Variants in CCSER1 observed in about 807,000 individuals in gnomAD.
CCSER1 encodes the protein serine-rich coiled-coil domain-containing protein 1.
In CCSER1, 41 loss-of-function variants were observed where a neutral mutation model predicts 82.0. The ratio of observed to expected loss-of-function variants is 0.50; its 90% CI spans 0.39 to 0.65. The LOEUF is 0.65. CCSER1 is among the 30% of genes least tolerant of loss of function. The pLI, the probability that CCSER1 is intolerant of heterozygous loss-of-function variation, is 0.00. For missense variants in CCSER1, 1,119 were observed against 1,064.2 expected (o/e 1.05, Z -0.72); for synonymous variants, 414 against 383.9 (o/e 1.08, Z -0.92).
chr4:90,435,995 G>A (rs548778363), intron 4 of CCSER1, among the ~76,000 whole-genome samples: 27 of 151,688 alleles, frequency 1.8e-4, no homozygotes, highest in South Asian at 6.2e-4. Flanking sequence ...TTTAAATGGC[G>A]TATAATGTTC....
chr4:91,262,752 A>G (rs972913669), intron 10 of CCSER1, among the ~76,000 whole-genome samples: 10 of 151,982 alleles, frequency 6.6e-5, no homozygotes, highest in Non-Finnish European at 1.3e-4. Flanking sequence ...GACAATACTG[A>G]AGGAGATAAT....
At chr4:90,463,901 T>C (rs1763290942) in intron 4 of CCSER1, among the ~76,000 whole-genome samples, 1 of 152,102 alleles carries the variant, frequency 6.6e-6, no homozygotes, top group Non-Finnish European at 1.5e-5. Context: ...ATATAAAATA[T>C]ACTGCTTTTT....
intron 10 of CCSER1, among the ~76,000 whole-genome samples, chr4:91,217,375 G>T (rs1196302314): frequency 6.6e-6 from 1 of 152,052 alleles, no homozygotes; most frequent in Non-Finnish European, 1.5e-5. Context: ...TAGATACAAA[G>T]GTTCTCCACC....
At chr4:91,525,024 A>T (rs753374700) in intron 10 of CCSER1, among the ~76,000 whole-genome samples, 13 of 152,116 alleles carry the variant, frequency 8.5e-5, no homozygotes, top group Non-Finnish European at 1.6e-4. Context: ...GAGTGGATCA[A>T]AAGAGAAAGA....
intron 9 of CCSER1, among the ~76,000 whole-genome samples, chr4:90,943,381 T>G (rs1334330010): frequency 1.3e-5 from 2 of 152,200 alleles, no homozygotes; most frequent in African/African-American, 4.8e-5. Flanking sequence ...TTTGAGATAG[T>G]GATCATCTTA....
chr4:91,009,291 C>G (rs1006361254), intron 9 of CCSER1, among the ~76,000 whole-genome samples: 2 of 152,184 alleles, frequency 1.3e-5, no homozygotes, highest in Non-Finnish European at 2.9e-5. Flanking sequence ...GCTCGAATGC[C>G]TAGGTTTATA....
At chr4:91,267,335 A>G (rs1370394001) in intron 10 of CCSER1, among the ~76,000 whole-genome samples, 1 of 152,112 alleles carries the variant, frequency 6.6e-6, no homozygotes, top group African/African-American at 2.4e-5. Context: ...TGAAAAGTAT[A>G]TCATAATCAT....
intron 5 of CCSER1, among the ~76,000 whole-genome samples, chr4:90,620,876 C>T (rs1214242742): frequency 3.9e-5 from 6 of 152,190 alleles, no homozygotes; most frequent in Admixed American, 1.3e-4. Flanking sequence ...TGCAGTGGCG[C>T]GATCTCAGCT....
At chr4:91,520,767 G>GT (rs1301375191) in intron 10 of CCSER1, among the ~76,000 whole-genome samples, 1 of 151,906 alleles carries the variant, frequency 6.6e-6, no homozygotes. Context: ...ATCCTAATTT[G>GT]TACTTTTGTT....
intron 4 of CCSER1, chr4:90,403,822 A>T (rs1032338505): frequency 1.3e-5 from 2 of 152,200 alleles, no homozygotes; most frequent in Non-Finnish European, 2.9e-5. Context: ...ACCACAGAAG[A>T]CAAGATTAAG....
chr4:91,105,229 T>G (rs1725487499), intron 10 of CCSER1, among the ~76,000 whole-genome samples: 1 of 151,484 alleles, frequency 6.6e-6, no homozygotes, highest in Admixed American at 6.6e-5. Context: ...GGGATAGGGC[T>G]TTACCGTATA....
intron 10 of CCSER1, among the ~76,000 whole-genome samples, chr4:91,143,332 G>C (rs1729217670): frequency 6.6e-6 from 1 of 151,412 alleles, no homozygotes; most frequent in African/African-American, 2.4e-5. Context: ...TATTTACTTT[G>C]TATCCTGAAA....
chr4:90,590,651 G>A (rs112648561), intron 5 of CCSER1, among the ~76,000 whole-genome samples: 2 of 152,010 alleles, frequency 1.3e-5, no homozygotes, highest in African/African-American at 4.8e-5. Flanking sequence ...TGTTCCATAA[G>A]CCTATATGTC....
intron 8 of CCSER1, among the ~76,000 whole-genome samples, chr4:90,885,399 T>A (rs1305561831): frequency 6.6e-6 from 1 of 152,166 alleles, no homozygotes; most frequent in Non-Finnish European, 1.5e-5. Flanking sequence ...AAGATGGCAA[T>A]AGAGAATTTA....
intron 8 of CCSER1, among the ~76,000 whole-genome samples, chr4:90,874,748 A>G (rs1766979087): frequency 6.6e-6 from 1 of 152,094 alleles, no homozygotes; most frequent in Non-Finnish European, 1.5e-5. Flanking sequence ...CCCAATGCCT[A>G]TATTAAAAAA....
intron 1 of CCSER1, among the ~76,000 whole-genome samples, chr4:90,297,488 C>T (rs1197675506): frequency 6.6e-6 from 1 of 151,262 alleles, no homozygotes; most frequent in African/African-American, 2.4e-5. Flanking sequence ...CCTTTATTTC[C>T]TTCTCCTGCC....
intron 3 of CCSER1, among the ~76,000 whole-genome samples, chr4:90,340,861 T>C (rs1741254377): frequency 6.6e-6 from 1 of 152,136 alleles, no homozygotes; most frequent in Non-Finnish European, 1.5e-5. Context: ...TTTGTCAAAA[T>C]GAGCAGTCAG....
chr4:90,574,712 T>C (rs1780540958), intron 5 of CCSER1, among the ~76,000 whole-genome samples: 1 of 151,734 alleles, frequency 6.6e-6, no homozygotes, highest in Non-Finnish European at 1.5e-5. Flanking sequence ...TATCTTCAAA[T>C]TATAAATAAT....
intron 1 of CCSER1, among the ~76,000 whole-genome samples, chr4:90,141,870 A>G (rs1724857023): frequency 6.6e-6 from 1 of 152,236 alleles, no homozygotes; most frequent in African/African-American, 2.4e-5. Flanking sequence ...CTGCAGGTCA[A>G]CTTAATTTGG....
Sources: allele counts gnomAD v4.1 joint callset (sites outside exome capture counted in the v4.1 genomes callset), GRCh38; gene constraint gnomAD v4.1.1; transcripts MANE v1.5; gene names NCBI Gene and HGNC (gene_info 2026-07-23, HGNC 2026-07-21).